TRMT11: variants seen among roughly 807,000 people sequenced by gnomAD.
TRMT11 encodes tRNA methyltransferase 11.
In TRMT11, 53 loss-of-function variants were observed where a neutral mutation model predicts 62.8. The observed-to-expected ratio is 0.84, with a 90% CI of 0.68 to 1.06. TRMT11 has a LOEUF of 1.06. Among genes scored for constraint, TRMT11 ranks in the 50% least tolerant of loss-of-function variants. The probability of loss-of-function intolerance (pLI) is 0.00; values close to 1 mark genes in which losing one functional copy is unlikely to be tolerated. For synonymous variants in TRMT11, 188 were observed against 190.3 expected (o/e 0.99, Z 0.10); for missense variants, 556 against 553.4 (o/e 1.00, Z -0.05).
chr6:126,004,283 G>T (rs1174807099), intron 7 of TRMT11, among the ~76,000 whole-genome samples: 1 of 151,990 alleles, frequency 6.6e-6, no homozygotes, highest in Non-Finnish European at 1.5e-5. Flanking sequence ...GAGGGGCAAG[G>T]AGACCTGCTT....
intron 21 of TRMT11, among the ~76,000 whole-genome samples, chr6:126,133,317 C>T (rs1777810508): frequency 6.6e-6 from 1 of 151,810 alleles, no homozygotes; most frequent in African/African-American, 2.4e-5. Context: ...CCCAAAATAC[C>T]ATCTTTAGTG....
downstream of TRMT11, among the ~76,000 whole-genome samples, chr6:126,207,822 C>G (rs1778803841): frequency 6.6e-6 from 1 of 152,166 alleles, no homozygotes; most frequent in African/African-American, 2.4e-5. Flanking sequence ...ATTGTCACAA[C>G]TTTGACTGAA....
At chr6:126,087,023 G>T (rs949058721) in intron 17 of TRMT11, among the ~76,000 whole-genome samples, 2 of 152,084 alleles carry the variant, frequency 1.3e-5, no homozygotes, top group Admixed American at 6.6e-5. Flanking sequence ...GTTATTTAGA[G>T]GCAGGAGCTG....
the TRMT11 span, among the ~76,000 whole-genome samples, chr6:126,220,820 G>C: frequency 6.6e-6 from 1 of 151,890 alleles, no homozygotes; most frequent in African/African-American, 2.4e-5. Flanking sequence ...TGGGTAAATT[G>C]CATGTCATGG....
the TRMT11 span, among the ~76,000 whole-genome samples, chr6:126,228,893 C>T: frequency 4.6e-5 from 7 of 152,122 alleles, no homozygotes; most frequent in Non-Finnish European, 8.8e-5. Flanking sequence ...ATCTTGGTTT[C>T]GCTCTAAGAT....
intron 12 of TRMT11, among the ~76,000 whole-genome samples, chr6:126,031,953 AG>A (rs1774282859): frequency 6.6e-6 from 1 of 152,108 alleles, no homozygotes; most frequent in South Asian, 2.1e-4. Flanking sequence ...TAGAGATTGT[AG>A]GGGACTTGTT....
intron 1 of TRMT11, among the ~76,000 whole-genome samples, chr6:125,987,527 C>T (rs773885319): frequency 3.3e-5 from 5 of 152,080 alleles, no homozygotes; most frequent in Non-Finnish European, 5.9e-5. Context: ...AAAGTGACCA[C>T]AAAATTAAAT....
intron 21 of TRMT11, among the ~76,000 whole-genome samples, chr6:126,136,976 T>C (rs1045039905): frequency 6.6e-6 from 1 of 151,390 alleles, no homozygotes; most frequent in Non-Finnish European, 1.5e-5. Flanking sequence ...TTTCACCATG[T>C]ACAAAAATTA....
At chr6:126,166,512 G>C (rs183697736) in intron 21 of TRMT11, among the ~76,000 whole-genome samples, 4 of 152,218 alleles carry the variant, frequency 2.6e-5, no homozygotes, top group African/African-American at 9.6e-5. Context: ...TGGAAGCTTC[G>C]TCCCAGAGGG....
At chr6:126,061,236 T>TTCTC (rs1479974649) in intron 17 of TRMT11, among the ~76,000 whole-genome samples, 1 of 152,204 alleles carries the variant, frequency 6.6e-6, no homozygotes, top group Non-Finnish European at 1.5e-5. Context: ...AATCTTTATT[T>TTCTC]TAACAAGATG....
the TRMT11 span, among the ~76,000 whole-genome samples, chr6:126,235,534 A>T: frequency 6.6e-6 from 1 of 152,212 alleles, no homozygotes; most frequent in Non-Finnish European, 1.5e-5. Context: ...TGCAAAAGAG[A>T]TCATGTCCTT....
chr6:126,200,108 A>G (rs916023389), intron 3 of TRMT11, among the ~76,000 whole-genome samples: 2 of 152,218 alleles, frequency 1.3e-5, no homozygotes, highest in Non-Finnish European at 2.9e-5. Context: ...GGGTCATGAG[A>G]GTATAAATGG....
chr6:126,114,651 C>A (rs1476217955), intron 18 of TRMT11, among the ~76,000 whole-genome samples: 1 of 152,062 alleles, frequency 6.6e-6, no homozygotes, highest in Non-Finnish European at 1.5e-5. Context: ...CAAATGAGGT[C>A]TTTTCTGTCT....
At chr6:126,130,954 A>T (rs755475349) in intron 21 of TRMT11, among the ~76,000 whole-genome samples, 4 of 152,132 alleles carry the variant, frequency 2.6e-5, no homozygotes, top group Non-Finnish European at 5.9e-5. Flanking sequence ...AATTTTGGTT[A>T]TTATCTATTA....
chr6:125,989,124 CTTTTTT>C (rs971479523), intron 1 of TRMT11, among the ~76,000 whole-genome samples: 8 of 94,416 alleles, frequency 8.5e-5, no homozygotes, highest in African/African-American at 1.2e-4. Context: ...AGTTTGGATT[CTTTTTT>C]TTTTTTTTTT....
chr6:126,249,605 G>T, the TRMT11 span, among the ~76,000 whole-genome samples: 2 of 152,006 alleles, frequency 1.3e-5, no homozygotes, highest in Non-Finnish European at 2.9e-5. Flanking sequence ...AGAAATAAAG[G>T]TTATATTTTA....
downstream of TRMT11, among the ~76,000 whole-genome samples, chr6:126,206,370 T>C (rs1778792305): frequency 1.3e-5 from 2 of 152,150 alleles, no homozygotes; most frequent in Admixed American, 1.3e-4. Flanking sequence ...AAGTTTGAGG[T>C]GGGGCCACAG....
intron 7 of TRMT11, chr6:126,006,881 A>G (rs988143086): frequency 6.6e-6 from 1 of 151,994 alleles, no homozygotes; most frequent in Non-Finnish European, 1.5e-5. Context: ...AACTCACTCT[A>G]ACCAAATGGA....
At chr6:126,077,367 A>G (rs1777050841) in intron 17 of TRMT11, among the ~76,000 whole-genome samples, 2 of 152,216 alleles carry the variant, frequency 1.3e-5, no homozygotes, top group South Asian at 2.1e-4. Flanking sequence ...TCATCACTAC[A>G]GCATCCAACC....
Sources: gnomAD v4.1 joint callset for allele counts (sites outside exome capture counted in the v4.1 genomes callset) on GRCh38, gnomAD v4.1.1 for gene constraint, MANE v1.5 for transcripts, NCBI Gene and HGNC (gene_info 2026-07-23, HGNC 2026-07-21) for gene names.